Variants in PIWIL1 observed in about 807,000 individuals in gnomAD.
The protein encoded by PIWIL1 is piwi-like protein 1.
Under a neutral mutation model 114.4 loss-of-function variants are expected in PIWIL1, and 73 were observed. The observed-to-expected ratio is 0.64, with a 90% CI of 0.53 to 0.78. The LOEUF is 0.78. Among genes scored for constraint, PIWIL1 ranks in the 30% least tolerant of loss-of-function variants. The pLI, the probability that PIWIL1 is intolerant of heterozygous loss-of-function variation, is 0.00. For synonymous variants in PIWIL1, 375 were observed against 369.0 expected (o/e 1.02, Z -0.19); for missense variants, 723 against 1,063.1 (o/e 0.68, Z 4.45).
the PIWIL1 span, among the ~76,000 whole-genome samples, chr12:130,405,440 CAT>C: frequency 2.0e-5 from 3 of 152,114 alleles, no homozygotes; most frequent in Admixed American, 6.5e-5. Context: ...GGTGGAAACA[CAT>C]GTGCAAGGTG....
At chr12:130,422,699 A>G in the PIWIL1 span, 686 of 646,008 alleles carry the variant, frequency 1.1e-3, 4 homozygotes, top group East Asian at 0.015. This position sits in a 1 kb window ranked among gnomAD's most constrained non-coding sequence, Gnocchi z 5.2. Context: ...AGGTTAGCTG[A>G]ATGGCCTGGG....
intron 7 of PIWIL1, 23 bp from the exon 8 acceptor site, chr12:130,349,216 A>T: frequency 6.3e-7 from 1 of 1,596,406 alleles, no homozygotes; most frequent in Non-Finnish European, 8.6e-7. Flanking sequence ...GAGGTTCTTC[A>T]TGACCCCCAT....
chr12:130,394,610 C>T, the PIWIL1 span, among the ~76,000 whole-genome samples: 3 of 151,828 alleles, frequency 2.0e-5, no homozygotes, highest in African/African-American at 7.3e-5. Context: ...GCCTCTACCT[C>T]GGGGCCACAG....
the PIWIL1 span, among the ~76,000 whole-genome samples, chr12:130,409,377 C>G: frequency 8.6e-6 from 1 of 115,842 alleles, no homozygotes; most frequent in East Asian, 2.9e-4. Flanking sequence ...GACTCTCGCT[C>G]TGTCGCCCAG....
downstream of PIWIL1, among the ~76,000 whole-genome samples, chr12:130,373,312 A>T (rs1035418359): frequency 6.6e-6 from 1 of 152,162 alleles, no homozygotes; most frequent in Non-Finnish European, 1.5e-5. Flanking sequence ...TTTGGTGGCT[A>T]GTCAGTTAGT....
the PIWIL1 span, among the ~76,000 whole-genome samples, chr12:130,390,295 A>G: frequency 2.0e-5 from 3 of 152,210 alleles, no homozygotes; most frequent in East Asian, 3.9e-4. Flanking sequence ...TTGTGTTTCT[A>G]CCTGTCTGGT....
the PIWIL1 span, among the ~76,000 whole-genome samples, chr12:130,408,219 G>A: frequency 0.031 from 4,764 of 152,276 alleles, 141 homozygotes; most frequent in South Asian, 0.11. Context: ...GCTCTGGGAA[G>A]GCCCCATAGA....
At chr12:130,392,308 C>T in the PIWIL1 span, among the ~76,000 whole-genome samples, 1 of 146,638 alleles carries the variant, frequency 6.8e-6, no homozygotes, top group African/African-American at 2.5e-5. Flanking sequence ...ACCCGGTCAC[C>T]GTCATCATGT....
chr12:130,362,075 TATC>T (rs1200181015), intron 16 of PIWIL1, among the ~76,000 whole-genome samples: 1 of 152,232 alleles, frequency 6.6e-6, no homozygotes, highest in African/African-American at 2.4e-5. Context: ...TTCAAGGTCT[TATC>T]ATTTTTAACT....
the PIWIL1 span, chr12:130,414,717 G>A: frequency 6.3e-6 from 1 of 159,708 alleles, no homozygotes; most frequent in Non-Finnish European, 1.4e-5. Context: ...AAAGTCCATA[G>A]AGGTGACCAA....
chr12:130,378,607 G>A, the PIWIL1 span, among the ~76,000 whole-genome samples: 2 of 151,888 alleles, frequency 1.3e-5, no homozygotes, highest in Non-Finnish European at 2.9e-5. Context: ...AGATTTCATT[G>A]CTCCACATCC....
chr12:130,347,457 A>C (rs1029257926), intron 6 of PIWIL1, among the ~76,000 whole-genome samples: 1 of 152,202 alleles, frequency 6.6e-6, no homozygotes, highest in South Asian at 2.1e-4. Context: ...TACATATCAC[A>C]TATTTCCTAT....
the PIWIL1 span, among the ~76,000 whole-genome samples, chr12:130,401,024 T>C: frequency 6.6e-6 from 1 of 152,250 alleles, no homozygotes; most frequent in Non-Finnish European, 1.5e-5. Flanking sequence ...TTTTGCAAGA[T>C]GGAAAGAGTT....
At chr12:130,380,675 C>T in the PIWIL1 span, among the ~76,000 whole-genome samples, 3 of 152,194 alleles carry the variant, frequency 2.0e-5, no homozygotes, top group Non-Finnish European at 2.9e-5. Flanking sequence ...TGTCCAAATT[C>T]CAGTTGCCCT....
chr12:130,390,183 T>C, the PIWIL1 span, among the ~76,000 whole-genome samples: 1 of 152,256 alleles, frequency 6.6e-6, no homozygotes, highest in Non-Finnish European at 1.5e-5. Flanking sequence ...CTCTTAGTAC[T>C]GCAGATAGAA....
chr12:130,351,748 A>T (rs2073217596), intron 9 of PIWIL1: 1 of 152,004 alleles, frequency 6.6e-6, no homozygotes, highest in South Asian at 2.1e-4. Flanking sequence ...TGTTATCTGA[A>T]TTGCCTTCAT....
the PIWIL1 span, chr12:130,414,118 C>G: frequency 1.0e-4 from 165 of 1,613,944 alleles, no homozygotes; most frequent in Non-Finnish European, 1.3e-4. Context: ...AGGCAGCCAT[C>G]CCGCACCTTG....
At chr12:130,340,646 T>TGGGGGG (rs143005039) in intron 1 of PIWIL1, among the ~76,000 whole-genome samples, 1 of 72,806 alleles carries the variant, frequency 1.4e-5, no homozygotes, top group Non-Finnish European at 2.6e-5. Context: ...GGAGGGGGGG[T>TGGGGGG]GGGGGGAGGG....
At chr12:130,361,435 G>T in intron 15 of PIWIL1, 55 bp downstream of exon 15, 1 of 1,609,732 alleles carries the variant, frequency 6.2e-7, no homozygotes, top group Non-Finnish European at 8.5e-7. Flanking sequence ...TAAGAACATG[G>T]ATTTACTTTT....
Sources: gnomAD v4.1 joint callset for allele counts (sites outside exome capture counted in the v4.1 genomes callset) on GRCh38, gnomAD v4.1.1 for gene constraint, Gnocchi (gnomAD v3.1) non-coding constraint, MANE v1.5 for transcripts, NCBI Gene and HGNC (gene_info 2026-07-23, HGNC 2026-07-21) for gene names.